ANKRD26: variants seen among roughly 807,000 people sequenced by gnomAD.
ANKRD26 encodes the protein ankyrin repeat domain-containing protein 26.
A neutral mutation model predicts 208.7 loss-of-function variants in ANKRD26; 141 were observed. The observed-to-expected ratio is 0.68, with a 90% confidence interval of 0.59 to 0.78. The LOEUF is 0.78. Ranked by LOEUF, ANKRD26 falls within the 30% of genes least tolerant of loss-of-function variation. The pLI is 0.00. For synonymous variants in ANKRD26, 636 were observed against 660.4 expected, an observed-to-expected ratio of 0.96 and a Z score of 0.57; for missense variants, 1,889 against 1,938.7, an observed-to-expected ratio of 0.97 and a Z score of 0.48.
intron 20 of ANKRD26, among the ~76,000 whole-genome samples, chr10:27,041,550 T>A (rs4749217): frequency 0.011 from 1,704 of 152,276 alleles, 115 homozygotes; most frequent in Admixed American, 0.095. Context: ...GTAACTCAAC[T>A]GTACCTCAAA....
At chr10:27,048,065 A>C (rs931484491) in intron 17 of ANKRD26, among the ~76,000 whole-genome samples, 2 of 152,102 alleles carry the variant, frequency 1.3e-5, no homozygotes, top group African/African-American at 2.4e-5. Flanking sequence ...TACGGTCTAA[A>C]AACATGCACA....
chr10:27,006,912 C>T lies in ANKRD26; in HGVS notation c.4999+5G>A, dbSNP rs1420232916. On this transcript the variant is annotated splice_donor_5th_base_variant and intron_variant, in intron 33 of 33. Transcript: ENST00000376087. ...AAATTTAATTCATGAAGTTTGGCAA[C>T]ATACCTTCTTTGAGTTCTCTAGTTA... 3.7e-6 allele frequency: 6 copies of T among 1,606,072 alleles called. No homozygotes were observed. In the African/African-American group the frequency reaches 4.0e-5, roughly 11 times the overall value.
chr10:27,002,233 G>A (rs1452102760), downstream of ANKRD26, among the ~76,000 whole-genome samples: 2 of 152,180 alleles, frequency 1.3e-5, no homozygotes, highest in Non-Finnish European at 2.9e-5. Flanking sequence ...GGGAAGCACA[G>A]CTGCTTAGGG....
chr10:27,028,117 A>T (rs1309968076), intron 27 of ANKRD26, among the ~76,000 whole-genome samples: 4 of 152,186 alleles, frequency 2.6e-5, no homozygotes, highest in Non-Finnish European at 5.9e-5. Context: ...TGTGTTTATG[A>T]GGATGTAATC....
At chr10:26,972,162 GA>G (rs1274434663), downstream of ANKRD26, among the ~76,000 whole-genome samples, 1 of 151,374 alleles carries the variant, frequency 6.6e-6, no homozygotes, top group African/African-American at 2.4e-5. Context: ...GTGATCCCGG[GA>G]GGCGGAGCTT....
rs2055742402 is a variant in ANKRD26, at chr10:27,077,493, CA to C, written c.921del (p.Phe307LeufsTer46). The C allele has an allele frequency of 6.2e-7, 1 of 1,613,834 alleles. No homozygotes were observed. On this transcript the variant is annotated frameshift_variant, in exon 9 of 34. Coordinates refer to ENST00000376087, the MANE Select transcript of ANKRD26 (RefSeq NM_014915.3). LOFTEE classifies it high-confidence loss of function. ...GTVRTGNRTL[F>X]EDRDSDSQDE... ...TCTTGACTATCGGAATCTCTATCCT[CA>C]AACAAAGTTCTATTTCCTGTTCTCA...
chr10:26,955,824 T>C, the ANKRD26 span, among the ~76,000 whole-genome samples: 1 of 152,236 alleles, frequency 6.6e-6, no homozygotes, highest in Non-Finnish European at 1.5e-5. Flanking sequence ...GTTGATCCTG[T>C]GGAAGAAAAT....
At chr10:27,028,195 T>C (rs1259981092) in intron 27 of ANKRD26, among the ~76,000 whole-genome samples, 1 of 152,164 alleles carries the variant, frequency 6.6e-6, no homozygotes, top group Non-Finnish European at 1.5e-5. Context: ...AACTCTTGAG[T>C]GTGGACAGGA....
intron 15 of ANKRD26, among the ~76,000 whole-genome samples, chr10:27,054,049 C>T (rs947879644): frequency 6.6e-6 from 1 of 152,052 alleles, no homozygotes; most frequent in East Asian, 1.9e-4. Context: ...AAGTCTTCCT[C>T]GATTAGAGCT....
chr10:27,049,954 G>A (rs985149324), intron 16 of ANKRD26, among the ~76,000 whole-genome samples: 17 of 152,046 alleles, frequency 1.1e-4, no homozygotes, highest in Admixed American at 3.9e-4. Flanking sequence ...CGGGCGCAGT[G>A]GCTCACGCCT....
At chr10:26,959,331 A>T in the ANKRD26 span, among the ~76,000 whole-genome samples, 1 of 151,938 alleles carries the variant, frequency 6.6e-6, no homozygotes, top group South Asian at 2.1e-4. Flanking sequence ...AGGCGAAATG[A>T]ACGTAGTGAA....
In ANKRD26 at chr10:27,093,308, G is replaced by A. The variant is rs56325123; in HGVS notation, c.531+41C>T. On this transcript the variant is annotated intron_variant, in intron 3 of 33. Coordinates refer to ENST00000376087, the MANE Select transcript of ANKRD26 (RefSeq NM_014915.3). ...TACATATGTCACTGTTGAAACAAAC[G>A]CATTTCAAATACTGTAAAAATAAAG... 0.024 allele frequency: 37,965 copies of A among 1,573,038 alleles called. 554 individuals are homozygous for A. The highest frequency in any genetic ancestry group is 0.029 in the Non-Finnish European group (32,968 of 1,149,454).
downstream of ANKRD26, among the ~76,000 whole-genome samples, chr10:27,001,903 C>T (rs2052734299): frequency 1.3e-5 from 2 of 152,204 alleles, no homozygotes; most frequent in African/African-American, 4.8e-5. Flanking sequence ...GACTCTTTTA[C>T]CCTTGCTATC....
intron 7 of ANKRD26, among the ~76,000 whole-genome samples, chr10:27,078,248 G>GA (rs1240985648): frequency 6.6e-6 from 1 of 151,812 alleles, no homozygotes; most frequent in African/African-American, 2.4e-5. Flanking sequence ...AAGAAACAGA[G>GA]AAAAAAACAA....
intron 27 of ANKRD26, among the ~76,000 whole-genome samples, chr10:27,026,155 T>C (rs777988278): frequency 6.6e-6 from 1 of 152,210 alleles, no homozygotes; most frequent in East Asian, 1.9e-4. Context: ...TCTGGAAAAG[T>C]TAGGGGCTAT....
intron 9 of ANKRD26, among the ~76,000 whole-genome samples, chr10:27,076,512 G>A (rs978974635): frequency 4.6e-5 from 7 of 152,030 alleles, no homozygotes; most frequent in African/African-American, 1.2e-4. Flanking sequence ...TGATCTGCCC[G>A]TCTAGGCCTC....
intron 1 of ANKRD26, among the ~76,000 whole-genome samples, chr10:27,095,333 AG>A (rs2056433024): frequency 6.6e-6 from 1 of 151,490 alleles, no homozygotes; most frequent in Non-Finnish European, 1.5e-5. Flanking sequence ...GGGTAATTAA[AG>A]GTTATTTCTT....
At chr10:27,032,738 C>T (rs1425697375) in intron 25 of ANKRD26, among the ~76,000 whole-genome samples, 4 of 151,734 alleles carry the variant, frequency 2.6e-5, no homozygotes, top group Non-Finnish European at 2.9e-5. Flanking sequence ...TCGCTTGAAC[C>T]GGGGAGGTGA....
At chr10:27,030,652 G>A (rs1307015675) in intron 25 of ANKRD26, 1 of 948,472 alleles carries the variant, frequency 1.1e-6, no homozygotes, top group Non-Finnish European at 1.3e-6. Context: ...TGAAAAACAT[G>A]AGCATTTGAT....
Sources: allele counts gnomAD v4.1 joint callset (sites outside exome capture counted in the v4.1 genomes callset), GRCh38; gene constraint gnomAD v4.1.1; transcripts MANE v1.5; gene names NCBI Gene and HGNC (gene_info 2026-07-23, HGNC 2026-07-21).